Variants in NLGN1 observed in about 807,000 individuals in gnomAD.
The protein encoded by NLGN1 is neuroligin 1, also known as neuroligin-1.
Under a neutral mutation model 65.5 loss-of-function variants are expected in NLGN1, and 12 were observed. The observed-to-expected ratio is 0.18, with a 90% confidence interval of 0.12 to 0.30. The LOEUF is 0.30. Among genes scored for constraint, NLGN1 ranks in the 10% least tolerant of loss-of-function variants. The pLI is 1.00. For synonymous variants in NLGN1, 350 were observed against 359.5 expected, an observed-to-expected ratio of 0.97 and a Z score of 0.30; for missense variants, 750 against 1,007.1, an observed-to-expected ratio of 0.74 and a Z score of 3.46.
At chr3:173,411,729 T>A (rs1712603212) in intron 1 of NLGN1, among the ~76,000 whole-genome samples, 1 of 152,142 alleles carries the variant, frequency 6.6e-6, no homozygotes, top group Admixed American at 6.5e-5. Context: ...TATCTAATAT[T>A]ATTCCATGTG....
chr3:173,749,529 A>AATCAATCAAACCGTAACTGTTAATTTT (rs1776020508), intron 3 of NLGN1, among the ~76,000 whole-genome samples: 2 of 152,094 alleles, frequency 1.3e-5, no homozygotes, highest in Non-Finnish European at 2.9e-5. Context: ...CTTGAATGCC[A>AATCAATCAAACCGTAACTGTTAATTTT]ATCAATCAAA....
At chr3:173,923,441 A>G (rs954269955) in intron 4 of NLGN1, among the ~76,000 whole-genome samples, 3 of 152,162 alleles carry the variant, frequency 2.0e-5, no homozygotes, top group Non-Finnish European at 4.4e-5. Flanking sequence ...GAGCTATTAC[A>G]CTGTATTCCT....
intron 4 of NLGN1, among the ~76,000 whole-genome samples, chr3:174,197,091 C>T (rs1384822145): frequency 6.6e-6 from 1 of 152,162 alleles, no homozygotes; most frequent in Non-Finnish European, 1.5e-5. Flanking sequence ...TAGCTATCAC[C>T]TTTGCTGAAA....
intron 3 of NLGN1, among the ~76,000 whole-genome samples, chr3:173,649,833 C>T (rs1034881806): frequency 2.0e-5 from 3 of 151,900 alleles, no homozygotes; most frequent in African/African-American, 7.2e-5. Flanking sequence ...TTAAAGTGTT[C>T]AATAAGAAAA....
At chr3:173,414,574 T>C (rs1204714823) in intron 1 of NLGN1, among the ~76,000 whole-genome samples, 3 of 145,568 alleles carry the variant, frequency 2.1e-5, no homozygotes, top group African/African-American at 7.7e-5. Context: ...ATATGCAACA[T>C]CTCCATGTGA....
At chr3:174,080,463 C>T (rs907351227) in intron 4 of NLGN1, among the ~76,000 whole-genome samples, 3 of 152,146 alleles carry the variant, frequency 2.0e-5, no homozygotes, top group African/African-American at 7.2e-5. Context: ...GTCATTTGAC[C>T]TTTTGACTTG....
chr3:174,187,970 T>C (rs1342855567), intron 4 of NLGN1, among the ~76,000 whole-genome samples: 3 of 152,040 alleles, frequency 2.0e-5, no homozygotes, highest in Admixed American at 6.6e-5. Context: ...TACATGTTTA[T>C]TGAATGAATC....
intron 2 of NLGN1, among the ~76,000 whole-genome samples, chr3:173,522,585 T>C (rs1326517383): frequency 3.6e-5 from 5 of 139,448 alleles, no homozygotes; most frequent in South Asian, 2.5e-4. Context: ...TGCCCGCCAC[T>C]ACGCCCAGCT....
intron 4 of NLGN1, among the ~76,000 whole-genome samples, chr3:173,830,533 G>A (rs1369338935): frequency 6.6e-6 from 1 of 152,056 alleles, no homozygotes; most frequent in African/African-American, 2.4e-5. Flanking sequence ...ATCTATTTGG[G>A]ACACATGGTT....
chr3:174,257,247 C>A (rs1745965235), intron 4 of NLGN1, among the ~76,000 whole-genome samples: 1 of 151,916 alleles, frequency 6.6e-6, no homozygotes, highest in Non-Finnish European at 1.5e-5. Flanking sequence ...ATTAAAAAGT[C>A]AAAAAACAAC....
At chr3:173,714,956 T>C (rs2149968328) in intron 3 of NLGN1, among the ~76,000 whole-genome samples, 1 of 152,070 alleles carries the variant, frequency 6.6e-6, no homozygotes, top group East Asian at 1.9e-4. Flanking sequence ...TTTAGAAGAG[T>C]TCTCTTCTCT....
At chr3:173,543,141 A>AT (rs1286211007) in intron 2 of NLGN1, among the ~76,000 whole-genome samples, 1 of 152,054 alleles carries the variant, frequency 6.6e-6, no homozygotes, top group Non-Finnish European at 1.5e-5. Context: ...ATATTATTGA[A>AT]TTTTTTCTTG....
intron 2 of NLGN1, among the ~76,000 whole-genome samples, chr3:173,561,277 G>T (rs1278104710): frequency 1.3e-5 from 2 of 152,154 alleles, no homozygotes; most frequent in Admixed American, 6.5e-5. Flanking sequence ...CTGAGGAAGC[G>T]TTGCCTTTAC....
At chr3:174,263,822 C>T (rs375547583) in intron 4 of NLGN1, among the ~76,000 whole-genome samples, 35 of 151,330 alleles carry the variant, frequency 2.3e-4, no homozygotes, top group Non-Finnish European at 4.4e-4. Flanking sequence ...CGGCTGGTAC[C>T]GGTTGTTCCT....
chr3:174,152,234 A>T (rs1419828752), intron 4 of NLGN1, among the ~76,000 whole-genome samples: 1 of 152,162 alleles, frequency 6.6e-6, no homozygotes, highest in African/African-American at 2.4e-5. Context: ...ATAGGAAAAA[A>T]GTTTATGTCT....
intron 4 of NLGN1, among the ~76,000 whole-genome samples, chr3:173,866,163 T>C (rs1182150949): frequency 2.6e-5 from 4 of 152,196 alleles, no homozygotes; most frequent in Admixed American, 2.0e-4. Flanking sequence ...TATTTGTGAA[T>C]TGCAAGCAGG....
intron 4 of NLGN1, among the ~76,000 whole-genome samples, chr3:174,039,887 G>T (rs751356523): frequency 1.3e-5 from 2 of 152,072 alleles, no homozygotes; most frequent in Non-Finnish European, 2.9e-5. Context: ...AGCAAAATAA[G>T]TAGGACTTTC....
At chr3:173,468,389 G>A (rs183029152) in intron 2 of NLGN1, among the ~76,000 whole-genome samples, 6 of 152,144 alleles carry the variant, frequency 3.9e-5, no homozygotes, top group Admixed American at 3.9e-4. Context: ...TTAACTGTCT[G>A]TGGGCCTAAA....
chr3:173,604,552 A>T, exon 3 of NLGN1: 1 of 1,593,726 alleles, frequency 6.3e-7, no homozygotes, highest in Non-Finnish European at 8.6e-7. Flanking sequence ...GGATATAAAT[A>T]CGTTTGCCTC....
Sources: allele counts gnomAD v4.1 joint callset (sites outside exome capture counted in the v4.1 genomes callset), GRCh38; gene constraint gnomAD v4.1.1; transcripts MANE v1.5; gene names NCBI Gene and HGNC (gene_info 2026-07-23, HGNC 2026-07-21).